Variants in MOB3B observed in about 807,000 individuals in gnomAD.
MOB3B encodes the protein MOB kinase activator-like 2B.
A neutral mutation model predicts 18.7 loss-of-function variants in MOB3B; 7 were observed. The ratio of observed to expected loss-of-function variants is 0.37; its 90% CI spans 0.21 to 0.70. The LOEUF (loss-of-function observed/expected upper bound fraction) is 0.70. Ranked by LOEUF, MOB3B falls within the 30% of genes least tolerant of loss-of-function variation. The probability of loss-of-function intolerance (pLI) is 0.52; values close to 1 mark genes in which losing one functional copy is unlikely to be tolerated. For synonymous variants in MOB3B, 111 were observed against 99.9 expected (o/e 1.11, Z -0.66); for missense variants, 253 against 281.3 (o/e 0.90, Z 0.72).
chr9:27,473,872 A>G (rs150564847), intron 1 of MOB3B, among the ~76,000 whole-genome samples: 21 of 152,282 alleles, frequency 1.4e-4, no homozygotes, highest in African/African-American at 4.3e-4. Context: ...CTAACCTCCA[A>G]TGTGATGGCA....
intron 3 of MOB3B, among the ~76,000 whole-genome samples, chr9:27,354,638 T>A (rs1174982202): frequency 6.6e-6 from 1 of 152,184 alleles, no homozygotes; most frequent in Non-Finnish European, 1.5e-5. Context: ...TCCCTTTGAA[T>A]GGAGGTGCAT....
intron 2 of MOB3B, among the ~76,000 whole-genome samples, chr9:27,405,639 C>A (rs1475425219): frequency 6.6e-6 from 1 of 151,888 alleles, no homozygotes; most frequent in African/African-American, 2.4e-5. Flanking sequence ...TGAGGTCTTA[C>A]CCTAATACCA....
chr9:27,455,664 T>C lies in MOB3B; in HGVS notation c.-114A>G. Reference sequence around the variant, plus strand: ...CACTGCCAGCACTCAGGCCCCAGTCTTACAGCCTGTAGCTTTTAAGCTCTT... The same window carrying C: ...CACTGCCAGCACTCAGGCCCCAGTCCTACAGCCTGTAGCTTTTAAGCTCTT... On this transcript the variant is annotated 5_prime_UTR_variant, in exon 2 of 4. Coordinates refer to ENST00000262244, the MANE Select transcript of MOB3B (RefSeq NM_024761.5). 6.5e-7 allele frequency: 1 copy of C among 1,548,622 alleles called. No homozygotes were observed. The highest frequency in any genetic ancestry group is 8.6e-7 in the Non-Finnish European group (1 of 1,158,258).
At position 27,455,518 on chromosome 9, in the gene MOB3B, C is replaced by G; in HGVS notation, c.33G>C (p.Lys11Asn). 1.2e-6 allele frequency: 2 copies of G among 1,614,156 alleles called. No homozygotes were observed. The highest frequency in any genetic ancestry group is 1.7e-6 in the Non-Finnish European group (2 of 1,180,026). The change falls in exon 2 of 4, where the codon AAG becomes AAC. Residue 11 changes from lysine to asparagine, a missense_variant. Lys to Asn is a moderately conservative substitution (Grantham distance 94). Transcript: ENST00000262244. Reference protein sequence around the residue: MSIALKQVFNKDKTFRPKRKF... With the variant: MSIALKQVFNNDKTFRPKRKF... Reference sequence around the variant, plus strand: ...TCCTCTTGGGTCGGAAGGTCTTGTCCTTGTTGAATACCTGCTTCAGGGCTA... The same window carrying G: ...TCCTCTTGGGTCGGAAGGTCTTGTCGTTGTTGAATACCTGCTTCAGGGCTA...
chr9:27,438,988 T>A (rs986271871), intron 2 of MOB3B, among the ~76,000 whole-genome samples: 3 of 152,192 alleles, frequency 2.0e-5, no homozygotes, highest in Non-Finnish European at 4.4e-5. Context: ...GGTTTATTGA[T>A]ATGTGTAGCT....
At chr9:27,471,697 C>T (rs887240569) in intron 1 of MOB3B, among the ~76,000 whole-genome samples, 3 of 152,154 alleles carry the variant, frequency 2.0e-5, no homozygotes, top group African/African-American at 4.8e-5. Flanking sequence ...TAGCAGCAAG[C>T]GCAAGGTAAG....
intron 3 of MOB3B, among the ~76,000 whole-genome samples, chr9:27,345,423 A>G (rs1205171363): frequency 6.6e-6 from 1 of 152,080 alleles, no homozygotes; most frequent in East Asian, 1.9e-4. Flanking sequence ...AATAAAATAC[A>G]AGTACTGCTC....
intron 3 of MOB3B, among the ~76,000 whole-genome samples, chr9:27,334,817 AT>A (rs1461767726): frequency 9.0e-6 from 1 of 110,658 alleles, no homozygotes; most frequent in Non-Finnish European, 1.9e-5. Flanking sequence ...GTAATCTAAT[AT>A]TCTTTTTTTT....
intron 2 of MOB3B, among the ~76,000 whole-genome samples, chr9:27,426,829 C>G (rs1409582060): frequency 6.6e-6 from 1 of 152,172 alleles, no homozygotes; most frequent in Non-Finnish European, 1.5e-5. Context: ...GAATAATCCC[C>G]GCCTCCCACC....
intron 2 of MOB3B, among the ~76,000 whole-genome samples, chr9:27,372,636 A>G (rs1587163451): frequency 6.6e-6 from 1 of 152,154 alleles, no homozygotes; most frequent in African/African-American, 2.4e-5. Flanking sequence ...CCTCCCCATA[A>G]CCCATAAGCC....
intron 1 of MOB3B, among the ~76,000 whole-genome samples, chr9:27,527,410 A>G (rs1381246754): frequency 6.6e-6 from 1 of 152,192 alleles, no homozygotes; most frequent in Non-Finnish European, 1.5e-5. Flanking sequence ...GTAAAGAGAT[A>G]TAATACCCAG....
At chr9:27,349,682 C>A (rs1821078161) in intron 3 of MOB3B, among the ~76,000 whole-genome samples, 1 of 152,166 alleles carries the variant, frequency 6.6e-6, no homozygotes, top group Admixed American at 6.5e-5. Context: ...GTGTCTCTGA[C>A]CAACAGCTCC....
chr9:27,431,695 G>A (rs150526513), intron 2 of MOB3B, among the ~76,000 whole-genome samples: 274 of 152,348 alleles, frequency 1.8e-3, no homozygotes, highest in African/African-American at 6.3e-3. Flanking sequence ...TCAGGTGACT[G>A]GGGATGTGTG....
chr9:27,526,166 A>T (rs956088516), intron 1 of MOB3B: 1 of 152,232 alleles, frequency 6.6e-6, no homozygotes, highest in Non-Finnish European at 1.5e-5. Context: ...ATTCAAGATT[A>T]TTCCAAGCGC....
At chr9:27,510,506 A>G (rs1332074230) in intron 1 of MOB3B, among the ~76,000 whole-genome samples, 1 of 152,220 alleles carries the variant, frequency 6.6e-6, no homozygotes, top group Non-Finnish European at 1.5e-5. Flanking sequence ...TTTTAAAAGT[A>G]TGTAGTCAAA....
intron 1 of MOB3B, among the ~76,000 whole-genome samples, chr9:27,467,800 C>T (rs1299168793): frequency 9.2e-5 from 14 of 152,246 alleles, no homozygotes; most frequent in Non-Finnish European, 1.6e-4. Context: ...GGTCTGCTCT[C>T]ACCAGTGCTA....
intron 2 of MOB3B, among the ~76,000 whole-genome samples, chr9:27,359,827 C>T (rs200295995): frequency 1.3e-5 from 2 of 152,124 alleles, no homozygotes; most frequent in African/African-American, 2.4e-5. Context: ...TCAGATTTCC[C>T]GTCTGATGAC....
Position 27,330,559 on chromosome 9 carries a change from CCTTT to C in MOB3B, c.*24_*27del. On this transcript the variant is annotated 3_prime_UTR_variant, in exon 4 of 4. Transcript: ENST00000262244. ...CAGGGCACCAGGAGGAAACAGCTTT[CCTTT>C]CTTCCAAAGGGTGAGGTGGAGCATT... The C allele has an allele frequency of 6.2e-7, 1 of 1,613,754 alleles. No individual in the cohort carries two copies. The highest frequency in any genetic ancestry group is 8.5e-7 in the Non-Finnish European group (1 of 1,179,874).
At chr9:27,340,622 C>T (rs1820926346) in intron 3 of MOB3B, among the ~76,000 whole-genome samples, 2 of 152,146 alleles carry the variant, frequency 1.3e-5, no homozygotes, top group South Asian at 2.1e-4. Flanking sequence ...AGCACCCTGT[C>T]TTGCTCTGTG....
Sources: gnomAD v4.1 joint callset for allele counts (sites outside exome capture counted in the v4.1 genomes callset) on GRCh38, gnomAD v4.1.1 for gene constraint, MANE v1.5 for transcripts, NCBI Gene and HGNC (gene_info 2026-07-23, HGNC 2026-07-21) for gene names.